TAFA1: variants seen among roughly 807,000 people sequenced by gnomAD.
TAFA1 encodes TAFA chemokine like family member 1, also known as chemokine-like protein TAFA-1.
TAFA1 carries 4 observed loss-of-function variants against 18.5 expected under a neutral mutation model. The observed-to-expected ratio is 0.22, with a 90% CI of 0.11 to 0.49. The LOEUF is 0.49. Among genes scored for constraint, TAFA1 ranks in the 20% least tolerant of loss-of-function variants. The pLI, the probability that TAFA1 is intolerant of heterozygous loss-of-function variation, is 0.98. For missense variants in TAFA1, 147 were observed against 169.0 expected (o/e 0.87, Z 0.72); for synonymous variants, 56 against 55.2 (o/e 1.01, Z -0.06).
chr3:68,137,675 G>A (rs2065624017), intron 2 of TAFA1, among the ~76,000 whole-genome samples: 1 of 152,144 alleles, frequency 6.6e-6, no homozygotes, highest in Non-Finnish European at 1.5e-5. Flanking sequence ...TCATATGGAC[G>A]TCCTTTGAAC....
At chr3:68,171,845 A>T (rs2066057765) in intron 2 of TAFA1, among the ~76,000 whole-genome samples, 1 of 152,186 alleles carries the variant, frequency 6.6e-6, no homozygotes, top group Non-Finnish European at 1.5e-5. Context: ...TGGAGGGGAC[A>T]AAAGAAGAAA....
chr3:68,513,886 AT>A (rs2072883954), intron 3 of TAFA1, among the ~76,000 whole-genome samples: 1 of 152,146 alleles, frequency 6.6e-6, no homozygotes, highest in African/African-American at 2.4e-5. Context: ...CTGTTTAGGA[AT>A]TGTCTTAGTT....
intron 2 of TAFA1, among the ~76,000 whole-genome samples, chr3:68,048,046 C>T (rs563060397): frequency 7.9e-5 from 12 of 152,240 alleles, no homozygotes; most frequent in African/African-American, 2.6e-4. Flanking sequence ...GCCTAGACAT[C>T]ATGGAATCAT....
intron 3 of TAFA1, among the ~76,000 whole-genome samples, chr3:68,499,613 A>T (rs2072622167): frequency 6.6e-6 from 1 of 151,926 alleles, no homozygotes; most frequent in Non-Finnish European, 1.5e-5. Flanking sequence ...GCTGTGAGCC[A>T]GTGTGTGGTG....
intron 2 of TAFA1, among the ~76,000 whole-genome samples, chr3:68,120,251 TTC>T (rs2065382506): frequency 8.4e-6 from 1 of 119,674 alleles, no homozygotes; most frequent in African/African-American, 3.1e-5. Flanking sequence ...CTTTCTTTCT[TTC>T]TTTCTTTCTT....
At chr3:68,513,813 A>G (rs1327079353) in intron 3 of TAFA1, among the ~76,000 whole-genome samples, 1 of 152,234 alleles carries the variant, frequency 6.6e-6, no homozygotes, top group Non-Finnish European at 1.5e-5. Context: ...TTTGACTACC[A>G]TACTATTCTG....
intron 2 of TAFA1, among the ~76,000 whole-genome samples, chr3:68,244,848 T>C (rs553627233): frequency 6.6e-6 from 1 of 152,336 alleles, no homozygotes; most frequent in African/African-American, 2.4e-5. Flanking sequence ...ATTGTTATTA[T>C]CAACATTTTA....
At chr3:68,450,039 G>T (rs914224113) in intron 3 of TAFA1, among the ~76,000 whole-genome samples, 2 of 152,166 alleles carry the variant, frequency 1.3e-5, no homozygotes, top group Non-Finnish European at 2.9e-5. Context: ...AGAACTGGAG[G>T]CAGGTAGAAC....
intron 2 of TAFA1, among the ~76,000 whole-genome samples, chr3:68,249,352 G>C (rs995884471): frequency 9.9e-5 from 15 of 152,194 alleles, no homozygotes; most frequent in Admixed American, 9.2e-4. Flanking sequence ...AACTCCACTA[G>C]CTCAGCAATT....
intron 2 of TAFA1, among the ~76,000 whole-genome samples, chr3:68,203,644 C>G (rs898317534): frequency 1.3e-5 from 2 of 151,548 alleles, no homozygotes; most frequent in African/African-American, 4.8e-5. Context: ...TTTTCCTTCC[C>G]CCTTGGGTGA....
At chr3:68,231,158 T>C (rs1472367390) in intron 2 of TAFA1, among the ~76,000 whole-genome samples, 3 of 152,134 alleles carry the variant, frequency 2.0e-5, no homozygotes, top group African/African-American at 7.2e-5. Context: ...CCACCAAGCA[T>C]AGAGATACAA....
At position 68,086,821 on chromosome 3, in the gene TAFA1, A is replaced by G. The variant is rs563913391; in HGVS notation, c.118+80077A>G. Among the ~76,000 whole-genome samples, 6 of 152,352 alleles carry G rather than the reference A, an allele frequency of 3.9e-5. No individual in the cohort carries two copies. In the South Asian group the frequency reaches 1.2e-3, roughly 32 times the overall value. On this transcript the variant is annotated intron_variant, in intron 2 of 4. Transcript: ENST00000478136. ...AGAGAGGCATTCTTTATGCTAACAG[A>G]TAACAAAAGACTTTAGGTAGTGTTC...
intron 2 of TAFA1, among the ~76,000 whole-genome samples, chr3:68,009,778 A>G (rs1312542772): frequency 6.6e-6 from 1 of 152,190 alleles, no homozygotes; most frequent in African/African-American, 2.4e-5. Context: ...GAATAAAAAT[A>G]TGCTTTTATT....
At position 68,309,827 on chromosome 3, in the gene TAFA1, T is replaced by C. The variant is rs1169662257; in HGVS notation, c.119-107453T>C. On this transcript the variant is annotated intron_variant, in intron 2 of 4. Coordinates refer to ENST00000478136, the MANE Select transcript of TAFA1 (RefSeq NM_213609.4). Reference sequence around the variant, plus strand: ...AACCCAGGTTCTCTCTTGATTTTCATACTTCACTTCCTTGGTGTTAATATG... The same window carrying C: ...AACCCAGGTTCTCTCTTGATTTTCACACTTCACTTCCTTGGTGTTAATATG... 2.7e-4 allele frequency among the ~76,000 whole-genome samples: 41 copies of C among 152,214 alleles called. 1 individual carries two copies. The highest frequency in any genetic ancestry group is 2.6e-3 in the Admixed American group (40 of 15,282).
chr3:68,262,349 A>ATATATATATATATATATATT (rs2067450632), intron 2 of TAFA1, among the ~76,000 whole-genome samples: 1 of 78,730 alleles, frequency 1.3e-5, no homozygotes, highest in Non-Finnish European at 2.4e-5. Context: ...ATATATATAT[A>ATATATATATATATATATATT]TATATATATT....
intron 2 of TAFA1, among the ~76,000 whole-genome samples, chr3:68,254,456 T>C (rs899821994): frequency 1.3e-5 from 2 of 152,094 alleles, no homozygotes; most frequent in African/African-American, 4.8e-5. Context: ...TTTTTAAACC[T>C]GGAAGAAAGA....
chr3:68,251,037 A>C (rs1049794544), intron 2 of TAFA1: 22 of 152,282 alleles, frequency 1.4e-4, no homozygotes, highest in African/African-American at 5.1e-4. Flanking sequence ...CTTACCAGCA[A>C]GCAGTGATAA....
intron 2 of TAFA1, among the ~76,000 whole-genome samples, chr3:68,363,518 A>C (rs2069511901): frequency 2.0e-5 from 3 of 152,216 alleles, no homozygotes; most frequent in Admixed American, 2.0e-4. Context: ...GGAAAATGGG[A>C]ATTCAAAGTC....
intron 2 of TAFA1, among the ~76,000 whole-genome samples, chr3:68,065,785 CTCTG>C (rs1455554332): frequency 2.4e-5 from 3 of 124,862 alleles, no homozygotes; most frequent in Admixed American, 8.5e-5. Context: ...TTACCTATGC[CTCTG>C]TCTATTGATC....
Sources: allele counts gnomAD v4.1 joint callset (sites outside exome capture counted in the v4.1 genomes callset), GRCh38; gene constraint gnomAD v4.1.1; transcripts MANE v1.5; gene names NCBI Gene and HGNC (gene_info 2026-07-23, HGNC 2026-07-21).